Variants in ZBTB17 observed in about 807,000 individuals in gnomAD.
ZBTB17 encodes the protein zinc finger and BTB domain-containing protein 17.
ZBTB17 carries 24 observed loss-of-function variants against 85.1 expected under a neutral mutation model. The ratio of observed to expected loss-of-function variants is 0.28; its 90% CI spans 0.20 to 0.40. ZBTB17 has a LOEUF of 0.40. Ranked by LOEUF, ZBTB17 falls within the 10% of genes least tolerant of loss-of-function variation. ZBTB17 has a pLI of 1.00. For missense variants in ZBTB17, 743 were observed against 1,105.1 expected, an observed-to-expected ratio of 0.67 and a Z score of 4.65; for synonymous variants, 464 against 460.2, an observed-to-expected ratio of 1.01 and a Z score of -0.11.
At position 15,964,483 on chromosome 1, in the gene ZBTB17, T is replaced by A. The variant is rs2072370046; in HGVS notation, c.-3+8556A>T. On this transcript the variant is annotated intron_variant, in intron 2 of 15. Transcript: ENST00000375743. This position sits in a 1 kb window ranked among gnomAD's most constrained non-coding sequence, Gnocchi z 4.3. ...CTGTAATCCCAACACGTTGGGAGGC[T>A]GAGGTGGGAGGATTGCTTGAGCCCA... 6.6e-6 allele frequency among the ~76,000 whole-genome samples: 1 copy of A among 151,208 alleles called. No homozygotes were observed. The highest frequency in any genetic ancestry group is 1.5e-5 in the Non-Finnish European group (1 of 67,720).
Position 15,973,854 on chromosome 1 carries a change from GAT to G in ZBTB17, c.-89-731_-89-730del, listed in dbSNP as rs893323534. On this transcript the variant is annotated intron_variant, in intron 1 of 15. Transcript: ENST00000375743. The surrounding 1 kb of genome is among the most constrained non-coding windows in gnomAD (Gnocchi z 4.1). Reference sequence around the variant, plus strand: ...ATTGGCCTACAGGCCCACTCCCTTTGATACATTCTTCACTTAGCCAGAGTGAT... The same window carrying G: ...ATTGGCCTACAGGCCCACTCCCTTTGACATTCTTCACTTAGCCAGAGTGAT... Among the ~76,000 whole-genome samples, 7 of 152,234 alleles carry G rather than the reference GAT, an allele frequency of 4.6e-5. No individual in the cohort carries two copies. The highest frequency in any genetic ancestry group is 1.7e-4 in the African/African-American group (7 of 41,540).
Position 15,946,240 on chromosome 1 carries a change from A to G in ZBTB17, c.449T>C (p.Leu150Pro), listed in dbSNP as rs779968811. 2.5e-6 allele frequency: 4 copies of G among 1,613,756 alleles called. No homozygotes were observed. Among genetic ancestry groups the G allele is most frequent in the South Asian group, 2.2e-5 (2 of 91,078 alleles). Residue 150 changes from leucine (L) to proline (P), a missense_variant, in exon 5 of 16, where the codon CTG becomes CCG. This residue lies in a region of ZBTB17 where 279 missense variants were observed against 269.9 expected (regional missense o/e 1.03). Coordinates refer to ENST00000375743, the MANE Select transcript of ZBTB17 (RefSeq NM_003443.3). ...GGGTGTGCTGCGTCCTGCCTGCTCC[A>G]GCCTGCTCAGCGTGCTGGTGGCCAC... ...EKVATSTLSR[L>P]EQAGRSTPIG...
chr1:15,944,946 G>A lies in ZBTB17; in HGVS notation c.918C>T (p.His306=), dbSNP rs1360541740. Residue 306 remains histidine (H), a synonymous_variant, in exon 7 of 16, where the codon CAC becomes CAT. Coordinates refer to ENST00000375743, the MANE Select transcript of ZBTB17 (RefSeq NM_003443.3). ...TESKAYGSVI[H]KCEDCGKEFT... ...CCATAGTCTCCCTCACCTCGCACTT[G>A]TGGATGACGGAGCCGTAGGCCTTGG... 1.3e-6 allele frequency: 2 copies of A among 1,577,008 alleles called. No individual in the cohort carries two copies. The highest frequency in any genetic ancestry group is 2.3e-5 in the East Asian group (1 of 43,132).
In ZBTB17 at chr1:15,951,675, A is replaced by G. The variant is rs1220448654; in HGVS notation, c.-2-3178T>C. On this transcript the variant is annotated intron_variant, in intron 2 of 15. Transcript: ENST00000375743. The surrounding 1 kb of genome is among the most constrained non-coding windows in gnomAD (Gnocchi z 4.1). Reference sequence around the variant, plus strand: ...AGAACTAGGCAGTCCCCCACCTCCAACCCACGTGAACTGCTCTGGAGGGAT... The same window carrying G: ...AGAACTAGGCAGTCCCCCACCTCCAGCCCACGTGAACTGCTCTGGAGGGAT... Among the ~76,000 whole-genome samples the G allele has an allele frequency of 1.3e-5, 2 of 152,022 alleles. No homozygotes were observed. The highest frequency in any genetic ancestry group is 2.1e-4 in the South Asian group (1 of 4,808).
intron 6 of ZBTB17, 63 bp downstream of exon 6, chr1:15,945,652 A>G (rs963913066): frequency 5.7e-6 from 9 of 1,590,304 alleles, no homozygotes; most frequent in African/African-American, 4.0e-5. Context: ...CCCAGTGCGC[A>G]GTGGAGGCAG....
At chr1:15,957,178 CA>C (rs34574727) in intron 2 of ZBTB17, among the ~76,000 whole-genome samples, 8,980 of 87,300 alleles carry the variant, frequency 0.1, 284 homozygotes, top group Middle Eastern at 0.13. Flanking sequence ...GACTCCATCT[CA>C]AAAAAAAAAA....
At chr1:15,958,714 G>A (rs1383321715) in intron 2 of ZBTB17, among the ~76,000 whole-genome samples, 5 of 152,164 alleles carry the variant, frequency 3.3e-5, no homozygotes, top group African/African-American at 1.2e-4. Flanking sequence ...GGGGGCTGCC[G>A]AAGCGCCAGC....
chr1:15,966,752 A>G lies in ZBTB17; in HGVS notation c.-3+6287T>C, dbSNP rs2072455467. On this transcript the variant is annotated intron_variant, in intron 2 of 15. Coordinates refer to ENST00000375743, the MANE Select transcript of ZBTB17 (RefSeq NM_003443.3). The surrounding 1 kb of genome is among the most constrained non-coding windows in gnomAD (Gnocchi z 4.1). ...GCAGCAAGGTTCAATGAGCCACAGT[A>G]CTTACTCTCTGACCTCTATTATTTC... is the stretch of plus-strand genomic sequence containing the variant. Among the ~76,000 whole-genome samples the G allele has an allele frequency of 6.6e-6, 1 of 152,072 alleles. No homozygotes were observed. The highest frequency in any genetic ancestry group is 2.4e-5 in the African/African-American group (1 of 41,394).
At chr1:15,960,660 G>A (rs919496147) in intron 2 of ZBTB17, among the ~76,000 whole-genome samples, 1 of 152,210 alleles carries the variant, frequency 6.6e-6, no homozygotes, top group Non-Finnish European at 1.5e-5. Flanking sequence ...CACAAGGACT[G>A]CAGGAGCAAA....
chr1:15,955,979 C>T (rs2072031764), intron 2 of ZBTB17, among the ~76,000 whole-genome samples: 1 of 152,220 alleles, frequency 6.6e-6, no homozygotes, highest in African/African-American at 2.4e-5. Flanking sequence ...AAAGGGAAGG[C>T]TGGCAGGCCC....
At chr1:15,945,568 G>T in intron 6 of ZBTB17, 147 bp downstream of exon 6, 1 of 1,198,664 alleles carries the variant, frequency 8.3e-7, no homozygotes, top group South Asian at 1.5e-5. Context: ...AACATGCGAA[G>T]ACCAAGGTGT....
rs1352940227 is a variant in ZBTB17 at position 15,943,433 on chromosome 1, C to T, written c.1663G>A (p.Glu555Lys). The T allele has an allele frequency of 6.2e-7, 1 of 1,609,256 alleles. No homozygotes were observed. Among genetic ancestry groups the T allele is most frequent in the Non-Finnish European group, 8.5e-7 (1 of 1,177,502 alleles). The change falls in exon 12 of 16, where the codon GAG becomes AAG. Residue 555 changes from glutamate to lysine, a missense_variant. Physicochemically the swap from Glu to Lys is moderately conservative, Grantham distance 56. Coordinates refer to ENST00000375743, the MANE Select transcript of ZBTB17 (RefSeq NM_003443.3). The stretch of plus-strand genomic sequence containing the variant: ...CAGCGCTCGCAGACGTAGGGCTTCT[C>T]CCCGGTGTGCTGGCGCACGTGGGCG... ...LIAHVRQHTG[E>K]KPYVCERCGK...
Position 15,943,875 on chromosome 1 carries a change from G to A in ZBTB17, c.1392C>T (p.His464=), listed in dbSNP as rs1211837314. ...KFNQVGNLKA[H]LKIHIADGPL... ...GCCCGTCAGCGATGTGGATCTTCAG[G>A]TGGGCCTTCAGGTTCCCTACCTGTG... The change falls in exon 10 of 16, where the codon CAC becomes CAT. Residue 464 remains histidine (H), a synonymous_variant. Coordinates refer to ENST00000375743, the MANE Select transcript of ZBTB17 (RefSeq NM_003443.3). 6.2e-7 allele frequency: 1 copy of A among 1,607,010 alleles called. No individual in the cohort carries two copies. The highest frequency in any genetic ancestry group is 8.5e-7 in the Non-Finnish European group (1 of 1,177,164).
intron 2 of ZBTB17, among the ~76,000 whole-genome samples, chr1:15,967,257 T>A (rs1173679548): frequency 1.3e-5 from 2 of 150,158 alleles, no homozygotes; most frequent in African/African-American, 4.9e-5. Flanking sequence ...GTGCTAGTAG[T>A]CCCAGCTACT....
chr1:15,960,332 C>G (rs2072213140), intron 2 of ZBTB17, among the ~76,000 whole-genome samples: 1 of 152,196 alleles, frequency 6.6e-6, no homozygotes, highest in Non-Finnish European at 1.5e-5. Context: ...CATCATCATT[C>G]TATCATTACA....
chr1:15,942,058 C>A lies in ZBTB17; in HGVS notation c.2323G>T (p.Val775Phe). The A allele has an allele frequency of 2.5e-6, 4 of 1,612,722 alleles. No individual in the cohort carries two copies. Among genetic ancestry groups the A allele is most frequent in the Non-Finnish European group, 3.4e-6 (4 of 1,180,012 alleles). Residue 775 changes from valine to phenylalanine, a missense_variant, in exon 16 of 16, where the codon GTC (valine) becomes TTC (phenylalanine). Coordinates refer to ENST00000375743, the MANE Select transcript of ZBTB17 (RefSeq NM_003443.3). ...AGQVLQAGEL[V>F]FRPRDGAEGQ... The stretch of plus-strand genomic sequence containing the variant: ...TCAGCCCCGTCGCGAGGGCGGAAGA[C>A]CAGCTCCCCAGCCTGCAGCACCTGC...
chr1:15,950,579 G>T (rs1557781157), intron 2 of ZBTB17, among the ~76,000 whole-genome samples: 1 of 152,182 alleles, frequency 6.6e-6, no homozygotes, highest in Non-Finnish European at 1.5e-5. Context: ...ATCCTCAACT[G>T]GCTTCAGAAG....
At chr1:15,943,963 TC>T in intron 9 of ZBTB17, 68 bp from the exon 10 acceptor site, 1 of 1,428,880 alleles carries the variant, frequency 7.0e-7, no homozygotes, top group Non-Finnish European at 9.7e-7. Context: ...CACCTGCCCC[TC>T]CCACAAAGGA....
In ZBTB17 at chr1:15,964,701, A is replaced by T. The variant is rs1275880065; in HGVS notation, c.-3+8338T>A. Among the ~76,000 whole-genome samples the T allele has an allele frequency of 1.3e-5, 2 of 152,200 alleles. No individual in the cohort carries two copies. The highest frequency in any genetic ancestry group is 2.9e-5 in the Non-Finnish European group (2 of 68,042). On this transcript the variant is annotated intron_variant, in intron 2 of 15. Coordinates refer to ENST00000375743, the MANE Select transcript of ZBTB17 (RefSeq NM_003443.3). This position sits in a 1 kb window ranked among gnomAD's most constrained non-coding sequence, Gnocchi z 4.3. ...CACTGCACTACAGCCTGGGTGACAG[A>T]GCGAGACCCTGTCTCAGAAAAAAAT...
Sources: allele counts gnomAD v4.1 joint callset (sites outside exome capture counted in the v4.1 genomes callset), GRCh38; gene constraint gnomAD v4.1.1; regional missense constraint gnomAD v4.1.1; non-coding constraint Gnocchi (gnomAD v3.1); transcripts MANE v1.5; gene names NCBI Gene and HGNC (gene_info 2026-07-23, HGNC 2026-07-21).